Variants in RANBP17 observed in about 807,000 individuals in gnomAD.
The protein encoded by RANBP17 is ran-binding protein 17.
In RANBP17, 158 loss-of-function variants were observed where a neutral mutation model predicts 141.2. The ratio of observed to expected loss-of-function variants is 1.12; its 90% CI spans 0.98 to 1.28. RANBP17 has a LOEUF of 1.28. RANBP17 is among the 50% of genes most tolerant of loss of function. The pLI, the probability that RANBP17 is intolerant of heterozygous loss-of-function variation, is 0.00. For synonymous variants in RANBP17, 430 were observed against 450.0 expected, an observed-to-expected ratio of 0.96 and a Z score of 0.56; for missense variants, 1,438 against 1,290.7, an observed-to-expected ratio of 1.11 and a Z score of -1.75.
chr5:171,264,381 C>A (rs1766531450), intron 24 of RANBP17, among the ~76,000 whole-genome samples: 2 of 151,862 alleles, frequency 1.3e-5, no homozygotes, highest in South Asian at 4.2e-4. Context: ...ACCTATTCCC[C>A]AAAAATTATT....
chr5:171,006,425 T>G lies in RANBP17; in HGVS notation c.1710+38048T>G, dbSNP rs555764074. On this transcript the variant is annotated intron_variant, in intron 14 of 27. Transcript: ENST00000523189. ...GGAATACTATGCAGCCATAAAAAAT[T>G]ATGAGTTGATGTCCTTTGTAGGGAT... Among the ~76,000 whole-genome samples the G allele has an allele frequency of 2.6e-3, 389 of 152,150 alleles. 2 individuals carry two copies. The highest frequency in any genetic ancestry group is 8.6e-3 in the African/African-American group (359 of 41,514).
chr5:171,140,917 T>TA (rs1757645435), intron 14 of RANBP17, among the ~76,000 whole-genome samples: 1 of 152,186 alleles, frequency 6.6e-6, no homozygotes, highest in South Asian at 2.1e-4. Flanking sequence ...ACCTGTGTCT[T>TA]ACTCCCACCC....
At chr5:170,986,898 A>G (rs1778181417) in intron 14 of RANBP17, among the ~76,000 whole-genome samples, 1 of 151,870 alleles carries the variant, frequency 6.6e-6, no homozygotes, top group Non-Finnish European at 1.5e-5. Flanking sequence ...AAAACATTTC[A>G]TGATAGTATC....
intron 14 of RANBP17, among the ~76,000 whole-genome samples, chr5:171,123,163 C>T (rs554465336): frequency 1.3e-5 from 2 of 152,288 alleles, no homozygotes; most frequent in African/African-American, 4.8e-5. Context: ...CTGCATGTGC[C>T]TTCAGAGGCC....
At chr5:170,928,234 T>G (rs1329338623) in intron 12 of RANBP17, among the ~76,000 whole-genome samples, 1 of 152,116 alleles carries the variant, frequency 6.6e-6, no homozygotes, top group African/African-American at 2.4e-5. Flanking sequence ...GCAAGAGTGC[T>G]TTATATGCTC....
intron 14 of RANBP17, among the ~76,000 whole-genome samples, chr5:171,042,041 G>C (rs569276850): frequency 1.2e-3 from 178 of 152,146 alleles, no homozygotes; most frequent in African/African-American, 4.1e-3. Flanking sequence ...ATGGCTTCCA[G>C]CTCTATCCAT....
intron 22 of RANBP17, among the ~76,000 whole-genome samples, chr5:171,225,016 G>A (rs530226784): frequency 2.0e-4 from 31 of 152,306 alleles, no homozygotes; most frequent in African/African-American, 7.2e-4. Context: ...GTTAGGTAAT[G>A]TATGGAAAGC....
At chr5:171,178,720 G>A (rs1342622850) in intron 16 of RANBP17, among the ~76,000 whole-genome samples, 1 of 152,088 alleles carries the variant, frequency 6.6e-6, no homozygotes, top group African/African-American at 2.4e-5. Flanking sequence ...ATTCTAACTG[G>A]CATGAGATGG....
intron 14 of RANBP17, among the ~76,000 whole-genome samples, chr5:170,976,716 G>A (rs1227768458): frequency 2.0e-5 from 3 of 151,874 alleles, no homozygotes; most frequent in Non-Finnish European, 2.9e-5. Context: ...CTTCACATTT[G>A]TAGTCAGGTG....
At chr5:170,943,674 T>A (rs1774521937) in intron 12 of RANBP17, among the ~76,000 whole-genome samples, 2 of 152,164 alleles carry the variant, frequency 1.3e-5, no homozygotes, top group Non-Finnish European at 2.9e-5. Flanking sequence ...ATGTAGCAGA[T>A]TTTTTTCTCT....
intron 14 of RANBP17, among the ~76,000 whole-genome samples, chr5:171,129,069 T>C (rs1307162372): frequency 3.3e-5 from 5 of 152,070 alleles, no homozygotes. Context: ...ATCCTGTCTC[T>C]CTCCCCAACC....
At chr5:171,015,649 TA>T (rs749362783) in intron 14 of RANBP17, among the ~76,000 whole-genome samples, 15 of 152,174 alleles carry the variant, frequency 9.9e-5, no homozygotes, top group Non-Finnish European at 1.8e-4. Context: ...ATTGCAGACA[TA>T]TTTTTTTGTA....
chr5:170,881,685 T>C (rs1768706174), intron 2 of RANBP17, 121 bp from the exon 3 acceptor site: 2 of 597,216 alleles, frequency 3.3e-6, no homozygotes, highest in South Asian at 6.3e-5. Flanking sequence ...TTTTATCTAT[T>C]GTAAATTTGC....
chr5:171,145,421 G>C (rs1194137275), intron 14 of RANBP17, among the ~76,000 whole-genome samples: 1 of 152,050 alleles, frequency 6.6e-6, no homozygotes, highest in African/African-American at 2.4e-5. Context: ...AAATACAGAA[G>C]AGAAGCAGAA....
At chr5:170,993,357 G>A (rs1051363850) in intron 14 of RANBP17, among the ~76,000 whole-genome samples, 1 of 151,868 alleles carries the variant, frequency 6.6e-6, no homozygotes, top group African/African-American at 2.4e-5. Flanking sequence ...CCTGTTCCTG[G>A]CATTTTACAT....
At chr5:171,064,148 A>G (rs1438015671) in intron 14 of RANBP17, among the ~76,000 whole-genome samples, 1 of 152,172 alleles carries the variant, frequency 6.6e-6, no homozygotes, top group Admixed American at 6.5e-5. Context: ...GCTTCGGCTC[A>G]CACACGGTGC....
At chr5:170,980,552 G>A (rs1414167645) in intron 14 of RANBP17, among the ~76,000 whole-genome samples, 1 of 152,188 alleles carries the variant, frequency 6.6e-6, no homozygotes, top group Non-Finnish European at 1.5e-5. Context: ...GCTGAAAGGG[G>A]CCAATGTAGA....
At chr5:171,229,698 C>T (rs1239537717) in intron 22 of RANBP17, among the ~76,000 whole-genome samples, 7 of 143,568 alleles carry the variant, frequency 4.9e-5, no homozygotes, top group Non-Finnish European at 7.6e-5. Context: ...CCTGGCTGAG[C>T]ATTTGCTGTT....
At chr5:171,151,210 G>C (rs1421996808) in intron 14 of RANBP17, among the ~76,000 whole-genome samples, 1 of 152,248 alleles carries the variant, frequency 6.6e-6, no homozygotes, top group African/African-American at 2.4e-5. Flanking sequence ...TAAAGGCATG[G>C]TGTTAATAGA....
Sources: allele counts gnomAD v4.1 joint callset (sites outside exome capture counted in the v4.1 genomes callset), GRCh38; gene constraint gnomAD v4.1.1; transcripts MANE v1.5; gene names NCBI Gene and HGNC (gene_info 2026-07-23, HGNC 2026-07-21).